The following PCDHGA1 variants were observed in gnomAD, a reference collection of about 807,000 sequenced individuals.
PCDHGA1 encodes the protein protocadherin gamma subfamily A, 1.
A neutral mutation model predicts 58.0 loss-of-function variants in PCDHGA1; 32 were observed. The observed-to-expected ratio is 0.55, with a 90% CI of 0.42 to 0.74. The LOEUF is 0.74. Ranked by LOEUF, PCDHGA1 falls within the 30% of genes least tolerant of loss-of-function variation. The pLI, the probability that PCDHGA1 is intolerant of heterozygous loss-of-function variation, is 0.00. For synonymous variants in PCDHGA1, 498 were observed against 501.1 expected, an observed-to-expected ratio of 0.99 and a Z score of 0.08; for missense variants, 1,205 against 1,182.3, an observed-to-expected ratio of 1.02 and a Z score of -0.28.
intron 1 of PCDHGA1, chr5:141,338,788 AG>A (rs1206219507): frequency 4.3e-5 from 58 of 1,341,984 alleles, no homozygotes; most frequent in Non-Finnish European, 5.3e-5. Flanking sequence ...CCACAGCACA[AG>A]GGGGTGGAGG....
intron 1 of PCDHGA1, chr5:141,366,660 A>G: frequency 1.2e-6 from 2 of 1,614,254 alleles, no homozygotes; most frequent in Non-Finnish European, 1.7e-6. Context: ...AACTACGCAG[A>G]CACGCTCCTT....
chr5:141,470,872 TTTTTTG>T (rs900302332), intron 1 of PCDHGA1, among the ~76,000 whole-genome samples: 3 of 151,814 alleles, frequency 2.0e-5, no homozygotes, highest in African/African-American at 4.8e-5. Context: ...GTTTGTTTGT[TTTTTTG>T]TTTTTGTTTT....
intron 1 of PCDHGA1, chr5:141,340,424 G>A (rs199786188): frequency 9.4e-5 from 152 of 1,614,064 alleles, no homozygotes; most frequent in Non-Finnish European, 6.4e-5. Flanking sequence ...CAACGACAAT[G>A]CTCATGTAAC....
rs2099883795 is a variant in PCDHGA1 at position 141,511,444 on chromosome 5, A to C, written c.*271A>C. 3.0e-6 allele frequency: 2 copies of C among 665,362 alleles called. No individual in the cohort carries two copies. The highest frequency in any genetic ancestry group is 3.6e-5 in the African/African-American group (2 of 54,978). 41.2% of individuals were successfully genotyped at this position (665,362 alleles called of 1,614,324 possible). On this transcript the variant is annotated 3_prime_UTR_variant, in exon 4 of 4. Coordinates refer to ENST00000517417, the MANE Select transcript of PCDHGA1 (RefSeq NM_018912.3). ...GGGTAGTGGGGTTACTGTAGACACC[A>C]AGAACCATTTGCCACACCCCGTTTA...
chr5:141,439,212 T>G (rs1391791892), intron 1 of PCDHGA1, among the ~76,000 whole-genome samples: 1 of 150,642 alleles, frequency 6.6e-6, no homozygotes, highest in Non-Finnish European at 1.5e-5. Context: ...AAAATCCATA[T>G]GTGAAAATTC....
In PCDHGA1 at chr5:141,487,169, G is replaced by A. The variant is rs1259980100; in HGVS notation, c.2422-7638G>A. On this transcript the variant is annotated intron_variant, in intron 1 of 3. Coordinates refer to ENST00000517417, the MANE Select transcript of PCDHGA1 (RefSeq NM_018912.3). The surrounding 1 kb of genome is among the most constrained non-coding windows in gnomAD (Gnocchi z 5.0). ...CTCTGTTACTCTCTTAGTGTCCTTA[G>A]AGGAAGACACTCATCCAGTTGTCCC... 6.2e-7 allele frequency: 1 copy of A among 1,613,086 alleles called. No homozygotes were observed. Among genetic ancestry groups the A allele is most frequent in the South Asian group, 1.1e-5 (1 of 91,072 alleles).
In PCDHGA1 at chr5:141,512,088, A is replaced by G. The variant is rs192947391; in HGVS notation, c.*915A>G. 2.6e-5 allele frequency: 4 copies of G among 152,772 alleles called. No individual in the cohort carries two copies. Among genetic ancestry groups the G allele is most frequent in the Admixed American group, 6.5e-5 (1 of 15,306 alleles). 9.5% of individuals were successfully genotyped at this position (152,772 alleles called of 1,614,324 possible). On this transcript the variant is annotated 3_prime_UTR_variant, in exon 4 of 4. Transcript: ENST00000517417. ...TCCTCCAGATTCCAGCCATAAACCAATAACTAGGCTGGACCCTTCCCACTA... is the reference window on the plus strand; with the variant it reads ...TCCTCCAGATTCCAGCCATAAACCAGTAACTAGGCTGGACCCTTCCCACTA...
intron 1 of PCDHGA1, chr5:141,375,104 A>G (rs762208267): frequency 6.2e-7 from 1 of 1,613,956 alleles, no homozygotes; most frequent in Non-Finnish European, 8.5e-7. Context: ...CTTGGATGTC[A>G]ATGATAATGT....
chr5:141,446,850 C>T (rs1027473189), intron 1 of PCDHGA1, among the ~76,000 whole-genome samples: 2 of 152,114 alleles, frequency 1.3e-5, no homozygotes, highest in Non-Finnish European at 2.9e-5. Flanking sequence ...GCATAATAAG[C>T]TTCCTGATAG....
chr5:141,347,936 C>G (rs1420340370), intron 1 of PCDHGA1, among the ~76,000 whole-genome samples: 1 of 152,092 alleles, frequency 6.6e-6, no homozygotes, highest in Admixed American at 6.5e-5. Context: ...TATTATGAGC[C>G]TTGGAGTGGT....
chr5:141,376,737 A>C, intron 1 of PCDHGA1: 1 of 500,806 alleles, frequency 2.0e-6, no homozygotes, highest in Non-Finnish European at 3.3e-6. Context: ...CGGACTGCGG[A>C]CTGCAGTGGC....
rs2097370658 is a variant in PCDHGA1 at position 141,431,413 on chromosome 5, C to T, written c.2422-63394C>T. The T allele has an allele frequency of 1.2e-6, 2 of 1,613,564 alleles. No homozygotes were observed. Among genetic ancestry groups the T allele is most frequent in the African/African-American group, 2.7e-5 (2 of 74,952 alleles). ...TGGTCCTTACGGCCTCCGACGGGGG[C>T]GACCCGGTGCGCACAGGCACCGCGC... On this transcript the variant is annotated intron_variant, in intron 1 of 3. Transcript: ENST00000517417. This position sits in a 1 kb window ranked among gnomAD's most constrained non-coding sequence, Gnocchi z 4.8.
At chr5:141,458,513 G>GT (rs537551567) in intron 1 of PCDHGA1, among the ~76,000 whole-genome samples, 9,886 of 146,106 alleles carry the variant, frequency 0.068, 671 homozygotes, top group African/African-American at 0.18. Flanking sequence ...TTGACACTTT[G>GT]TTTTTTTTTT....
rs190948188 is a variant in PCDHGA1 at position 141,505,972 on chromosome 5, C to T, written c.2569+491C>T. Among the ~76,000 whole-genome samples the T allele has an allele frequency of 5.4e-4, 82 of 152,250 alleles. 1 individual carries two copies. The highest frequency in any genetic ancestry group is 1.9e-3 in the African/African-American group (79 of 41,558). ...GAAAGTGGGTGTAGAAATCCCCAGC[C>T]GAGAGAACACCTCCTCTTTATGCGA... On this transcript the variant is annotated intron_variant, in intron 3 of 3. Transcript: ENST00000517417.
At chr5:141,419,239 C>A in intron 1 of PCDHGA1, 3 of 1,614,008 alleles carry the variant, frequency 1.9e-6, no homozygotes, top group Non-Finnish European at 2.5e-6. Flanking sequence ...ACCTGGTCCA[C>A]GTGCCAGAAA....
At chr5:141,394,799 A>G in intron 1 of PCDHGA1, 5 of 1,613,808 alleles carry the variant, frequency 3.1e-6, no homozygotes, top group Admixed American at 1.7e-5. Context: ...CGCTCACCGT[A>G]GCCGTGGCTG....
At chr5:141,460,453 A>T (rs1487816393) in intron 1 of PCDHGA1, among the ~76,000 whole-genome samples, 3 of 152,152 alleles carry the variant, frequency 2.0e-5, no homozygotes, top group Non-Finnish European at 4.4e-5. Flanking sequence ...ATGAAGATTC[A>T]TATTTTTTTC....
intron 1 of PCDHGA1, chr5:141,366,619 G>T (rs769993265): frequency 6.2e-7 from 1 of 1,614,222 alleles, no homozygotes; most frequent in Non-Finnish European, 8.5e-7. Flanking sequence ...CCGCGGACTC[G>T]AGGAAGAGTC....
chr5:141,423,766 C>A, intron 1 of PCDHGA1: 1 of 1,110,086 alleles, frequency 9.0e-7, no homozygotes, highest in Non-Finnish European at 1.1e-6. Context: ...GGGGGTGGGG[C>A]GGCATATATT....
Sources: allele counts gnomAD v4.1 joint callset (sites outside exome capture counted in the v4.1 genomes callset), GRCh38; gene constraint gnomAD v4.1.1; non-coding constraint Gnocchi (gnomAD v3.1); transcripts MANE v1.5; gene names NCBI Gene and HGNC (gene_info 2026-07-23, HGNC 2026-07-21).